The following PHLPP1 variants were observed in gnomAD, a reference collection of about 807,000 sequenced individuals.
PHLPP1 encodes the protein PH domain and leucine rich repeat protein phosphatase 1, also known as PH domain leucine-rich repeat-containing protein phosphatase 1.
PHLPP1 carries 42 observed loss-of-function variants against 117.2 expected under a neutral mutation model. The observed-to-expected ratio is 0.36, with a 90% confidence interval of 0.28 to 0.46. The LOEUF (loss-of-function observed/expected upper bound fraction) is 0.46. PHLPP1 is among the 20% of genes least tolerant of loss of function. PHLPP1 has a pLI of 1.00. For missense variants in PHLPP1, 2,084 were observed against 2,241.9 expected, an observed-to-expected ratio of 0.93 and a Z score of 1.42; for synonymous variants, 1,042 against 970.7, an observed-to-expected ratio of 1.07 and a Z score of -1.37.
At chr18:62,869,995 C>T (rs372013413) in intron 4 of PHLPP1, among the ~76,000 whole-genome samples, 5 of 152,276 alleles carry the variant, frequency 3.3e-5, no homozygotes, top group African/African-American at 1.2e-4. Context: ...CAGGTTCAAG[C>T]GATTCTTCTG....
At chr18:62,967,911 G>A (rs1328209876) in intron 14 of PHLPP1, among the ~76,000 whole-genome samples, 1 of 150,470 alleles carries the variant, frequency 6.6e-6, no homozygotes, top group Non-Finnish European at 1.5e-5. Flanking sequence ...CGCAACCTCC[G>A]CCTCCCGGGT....
At chr18:62,943,736 C>T (rs891157925) in intron 11 of PHLPP1, among the ~76,000 whole-genome samples, 4 of 152,208 alleles carry the variant, frequency 2.6e-5, no homozygotes, top group Non-Finnish European at 4.4e-5. Flanking sequence ...TCCCACCGGG[C>T]CCCACCTCTG....
rs778603848 is a variant in PHLPP1, at chr18:62,914,929, G to T, written c.2725G>T (p.Val909Leu). 1.2e-6 allele frequency: 2 copies of T among 1,613,546 alleles called. No homozygotes were observed. The highest frequency in any genetic ancestry group is 2.2e-5 in the South Asian group (2 of 91,014). Reference protein sequence around the residue: ...MDVSRNRLENVPEWVCESRKL... With the variant: ...MDVSRNRLENLPEWVCESRKL... ...TGCATTTAGGAACCGCTTAGAAAAT[G>T]TGCCTGAGTGGGTATGTGAAAGCCG... Residue 909 changes from valine (V) to leucine (L), a missense_variant, in exon 9 of 17, where the codon GTG (valine) becomes TTG (leucine). Val to Leu is a conservative substitution (Grantham distance 32). Coordinates refer to ENST00000262719, the MANE Select transcript of PHLPP1 (RefSeq NM_194449.4).
At chr18:62,864,778 C>T (rs1483693098) in intron 4 of PHLPP1, among the ~76,000 whole-genome samples, 1 of 152,176 alleles carries the variant, frequency 6.6e-6, no homozygotes, top group Non-Finnish European at 1.5e-5. Flanking sequence ...TTTTACATTA[C>T]CCATCCCTTT....
intron 3 of PHLPP1, among the ~76,000 whole-genome samples, chr18:62,850,348 A>G (rs1915311817): frequency 1.7e-5 from 2 of 120,714 alleles, no homozygotes; most frequent in Non-Finnish European, 3.2e-5. Flanking sequence ...AGATTGAGCT[A>G]CTGCAATCCC....
At chr18:62,906,426 T>G in intron 8 of PHLPP1, 1 of 149,686 alleles carries the variant, frequency 6.7e-6, no homozygotes, top group African/African-American at 2.5e-5. Flanking sequence ...TGCCAGACAG[T>G]GGGCGCAGGC....
intron 6 of PHLPP1, among the ~76,000 whole-genome samples, chr18:62,901,654 C>T (rs1439555948): frequency 2.6e-4 from 37 of 143,704 alleles, no homozygotes; most frequent in African/African-American, 7.3e-4. Context: ...GATGGAGTCT[C>T]GCTCTGTCGC....
chr18:62,787,227 A>T (rs531694620), intron 1 of PHLPP1, among the ~76,000 whole-genome samples: 5 of 152,148 alleles, frequency 3.3e-5, no homozygotes, highest in African/African-American at 1.2e-4. Flanking sequence ...AATTATCTGT[A>T]TATGGTACAC....
At chr18:62,734,951 T>A (rs1419071347) in intron 1 of PHLPP1, among the ~76,000 whole-genome samples, 1 of 152,184 alleles carries the variant, frequency 6.6e-6, no homozygotes, top group Non-Finnish European at 1.5e-5. Flanking sequence ...AACCAAGTCA[T>A]GTGAGGGACT....
intron 7 of PHLPP1, among the ~76,000 whole-genome samples, chr18:62,903,931 G>T (rs1233278042): frequency 1.3e-5 from 2 of 152,156 alleles, no homozygotes; most frequent in East Asian, 1.9e-4. Context: ...GGTAGTATGG[G>T]CATATGTTTG....
At chr18:62,942,445 C>G (rs1413049013) in intron 11 of PHLPP1, among the ~76,000 whole-genome samples, 1 of 152,102 alleles carries the variant, frequency 6.6e-6, no homozygotes, top group East Asian at 1.9e-4. Context: ...CCTGAAAATC[C>G]TTCATTATCT....
At chr18:62,922,427 G>A (rs1475432829) in intron 10 of PHLPP1, among the ~76,000 whole-genome samples, 6 of 152,184 alleles carry the variant, frequency 3.9e-5, no homozygotes, top group African/African-American at 7.2e-5. Context: ...ATGAGCCACC[G>A]CACCAGGCTA....
At chr18:62,819,598 A>G (rs575132678) in intron 1 of PHLPP1, among the ~76,000 whole-genome samples, 1 of 152,338 alleles carries the variant, frequency 6.6e-6, no homozygotes, top group African/African-American at 2.4e-5. Flanking sequence ...ACAGATTATC[A>G]GATTTAAAAA....
intron 1 of PHLPP1, among the ~76,000 whole-genome samples, chr18:62,808,743 G>A (rs1052330577): frequency 6.6e-6 from 1 of 151,832 alleles, no homozygotes; most frequent in Non-Finnish European, 1.5e-5. Context: ...TAGTAGAGAC[G>A]GGATTTCTCC....
At chr18:62,918,527 T>C (rs759162743) in intron 9 of PHLPP1, among the ~76,000 whole-genome samples, 29 of 151,734 alleles carry the variant, frequency 1.9e-4, no homozygotes, top group Non-Finnish European at 3.5e-4. Context: ...GCATAGATAA[T>C]CTGGCCTGGA....
At chr18:62,937,002 A>C (rs967872695) in intron 10 of PHLPP1, among the ~76,000 whole-genome samples, 8 of 152,354 alleles carry the variant, frequency 5.3e-5, no homozygotes, top group African/African-American at 1.9e-4. Flanking sequence ...GACTATGTAG[A>C]GTTTTAATGG....
At position 62,716,576 on chromosome 18, in the gene PHLPP1, C is replaced by G. The variant is rs1910745649; in HGVS notation, c.893C>G (p.Pro298Arg). 8.3e-7 allele frequency: 1 copy of G among 1,210,834 alleles called. No homozygotes were observed. The highest frequency in any genetic ancestry group is 1.0e-6 in the Non-Finnish European group (1 of 974,940). 75.0% of individuals were successfully genotyped at this position (1,210,834 alleles called of 1,614,324 possible). A position where few individuals can be genotyped will look rare whatever the true frequency, so the allele number is the denominator to read the frequency against. ...GCCTTCGGGGGGCCTCCGCGCGCGC[C>G]CCCCGCCGACCTACCCCTGCCCGTC... is the stretch of plus-strand genomic sequence containing the variant. Reference protein sequence around the residue: ...PGAFGGPPRAPPADLPLPVGG... With the variant: ...PGAFGGPPRARPADLPLPVGG... Residue 298 changes from proline (P) to arginine (R), a missense_variant, in exon 1 of 17, where the codon CCC becomes CGC. By Grantham distance (103) the Pro-to-Arg change is moderately radical. Around this residue, in one of 2 missense-constraint regions of PHLPP1, gnomAD observed 719 missense variants for 636.0 expected, o/e 1.13. Transcript: ENST00000262719. The surrounding 1 kb of genome is among the most constrained non-coding windows in gnomAD (Gnocchi z 5.7).
At chr18:62,851,296 A>ATTTTG (rs895956846) in intron 3 of PHLPP1, among the ~76,000 whole-genome samples, 4 of 151,540 alleles carry the variant, frequency 2.6e-5, no homozygotes, top group Admixed American at 6.6e-5. Flanking sequence ...TGAGCCAGGG[A>ATTTTG]TTTTGTTTTG....
chr18:62,730,735 T>C (rs929377535), intron 1 of PHLPP1, among the ~76,000 whole-genome samples: 1 of 148,462 alleles, frequency 6.7e-6, no homozygotes, highest in Non-Finnish European at 1.5e-5. Flanking sequence ...GAGGTTGCAG[T>C]GAGCCGAGAT....
Sources: gnomAD v4.1 joint callset for allele counts (sites outside exome capture counted in the v4.1 genomes callset) on GRCh38, gnomAD v4.1.1 for gene constraint, gnomAD v4.1.1 regional missense constraint, Gnocchi (gnomAD v3.1) non-coding constraint, MANE v1.5 for transcripts, NCBI Gene and HGNC (gene_info 2026-07-23, HGNC 2026-07-21) for gene names.